The following CCDC30 variants were observed in gnomAD, a reference collection of about 807,000 sequenced individuals.
The protein encoded by CCDC30 is coiled-coil domain containing 30.
CCDC30 carries 70 observed loss-of-function variants against 100.2 expected under a neutral mutation model. The ratio of observed to expected loss-of-function variants is 0.70; its 90% CI spans 0.58 to 0.85. The LOEUF (loss-of-function observed/expected upper bound fraction) is 0.85, where lower values mean the gene tolerates loss of function less well. CCDC30 is among the 40% of genes least tolerant of loss of function. The pLI, the probability that CCDC30 is intolerant of heterozygous loss-of-function variation, is 0.00. For missense variants in CCDC30, 652 were observed against 771.2 expected, an observed-to-expected ratio of 0.85 and a Z score of 1.83; for synonymous variants, 233 against 269.5, an observed-to-expected ratio of 0.86 and a Z score of 1.33.
intron 7 of CCDC30, among the ~76,000 whole-genome samples, chr1:42,572,520 T>G (rs760721258): frequency 5.3e-5 from 8 of 152,216 alleles, no homozygotes; most frequent in Non-Finnish European, 1.0e-4. Flanking sequence ...TTCATTATTT[T>G]TCATTATAAC....
intron 3 of CCDC30, among the ~76,000 whole-genome samples, chr1:42,486,602 C>G (rs1389336547): frequency 6.6e-6 from 1 of 152,194 alleles, no homozygotes. Flanking sequence ...GAGACATATC[C>G]TTTGTGACTC....
At chr1:42,633,220 T>A (rs139500199) in intron 11 of CCDC30, among the ~76,000 whole-genome samples, 1 of 152,284 alleles carries the variant, frequency 6.6e-6, no homozygotes, top group East Asian at 1.9e-4. Flanking sequence ...CAAATTCAGT[T>A]ATAAAAAGTC....
chr1:42,622,239 T>C (rs1004958068), intron 11 of CCDC30, among the ~76,000 whole-genome samples: 1 of 152,200 alleles, frequency 6.6e-6, no homozygotes, highest in Non-Finnish European at 1.5e-5. Context: ...GACCTCCAGT[T>C]CCATCCATGT....
chr1:42,571,498 A>G (rs1278856638), intron 7 of CCDC30: 1 of 152,198 alleles, frequency 6.6e-6, no homozygotes, highest in Non-Finnish European at 1.5e-5. Flanking sequence ...ATGAAAAAAA[A>G]AAATGAACCA....
chr1:42,581,390 G>A, exon 9 of CCDC30: 1 of 1,608,606 alleles, frequency 6.2e-7, no homozygotes, highest in Non-Finnish European at 8.5e-7. Flanking sequence ...ATTAGAACAT[G>A]CTCATAAAGT....
At chr1:42,640,975 G>T (rs1647338673) in intron 12 of CCDC30, among the ~76,000 whole-genome samples, 1 of 152,012 alleles carries the variant, frequency 6.6e-6, no homozygotes, top group Non-Finnish European at 1.5e-5. Flanking sequence ...AAACATGTAG[G>T]TTGGGCACAG....
intron 1 of CCDC30, among the ~76,000 whole-genome samples, chr1:42,479,342 T>C (rs6660634): frequency 0.39 from 58,570 of 151,718 alleles, 11,769 homozygotes; most frequent in East Asian, 0.59. Context: ...CACCATTGCA[T>C]TCCAGCCTGG....
chr1:42,464,181 T>A (rs747765562), intron 1 of CCDC30: 12 of 152,176 alleles, frequency 7.9e-5, no homozygotes, highest in Admixed American at 2.0e-4. Flanking sequence ...AACCTTTCAG[T>A]CTTGGGTAAA....
chr1:42,554,494 T>C (rs1254359037), intron 6 of CCDC30, among the ~76,000 whole-genome samples: 1 of 152,068 alleles, frequency 6.6e-6, no homozygotes, highest in Non-Finnish European at 1.5e-5. Flanking sequence ...ACCAGGCTGG[T>C]CTCGAACTCC....
At chr1:42,642,030 C>A (rs1647461177) in intron 12 of CCDC30, among the ~76,000 whole-genome samples, 1 of 152,018 alleles carries the variant, frequency 6.6e-6, no homozygotes, top group South Asian at 2.1e-4. Context: ...TCGAGACCAT[C>A]CTGGCTAACA....
chr1:42,564,459 C>T (rs1005158664), intron 6 of CCDC30, among the ~76,000 whole-genome samples: 36 of 151,964 alleles, frequency 2.4e-4, no homozygotes, highest in African/African-American at 6.5e-4. Context: ...ACTACAGGTG[C>T]GCACCATCAC....
At chr1:42,573,467 A>G (rs1486222292) in intron 7 of CCDC30, among the ~76,000 whole-genome samples, 3 of 152,090 alleles carry the variant, frequency 2.0e-5, no homozygotes, top group African/African-American at 4.8e-5. Context: ...AAACTTTCCC[A>G]TACTTTTTTA....
intron 15 of CCDC30, among the ~76,000 whole-genome samples, chr1:42,650,370 C>T (rs1648231998): frequency 6.6e-6 from 1 of 151,858 alleles, no homozygotes; most frequent in African/African-American, 2.4e-5. Context: ...ATAGTAATCT[C>T]AGCTACTTGG....
chr1:42,457,268 T>G, the CCDC30 span: 1 of 1,614,124 alleles, frequency 6.2e-7, no homozygotes, highest in Non-Finnish European at 8.5e-7. Flanking sequence ...ATGTTTTACC[T>G]GGCTGCGGCT....
At chr1:42,605,502 A>G (rs2148631670) in intron 10 of CCDC30, among the ~76,000 whole-genome samples, 1 of 152,226 alleles carries the variant, frequency 6.6e-6, no homozygotes, top group Admixed American at 6.5e-5. Flanking sequence ...TTTTTCAGAC[A>G]GGGTCTCACT....
chr1:42,472,830 A>G (rs143179516), intron 1 of CCDC30, among the ~76,000 whole-genome samples: 7 of 152,316 alleles, frequency 4.6e-5, no homozygotes, highest in African/African-American at 1.7e-4. Flanking sequence ...CTCTAGTCAT[A>G]TATACATAGA....
the CCDC30 span, chr1:42,456,791 G>A: frequency 6.2e-7 from 1 of 1,613,092 alleles, no homozygotes; most frequent in South Asian, 1.1e-5. Context: ...CTTCCTAGCC[G>A]CCGGCTACGG....
At chr1:42,630,186 G>C (rs1375806958) in intron 11 of CCDC30, among the ~76,000 whole-genome samples, 1 of 151,738 alleles carries the variant, frequency 6.6e-6, no homozygotes, top group Admixed American at 6.6e-5. Flanking sequence ...TGTTGGCCAG[G>C]CTGGTTGTGA....
chr1:42,621,605 G>A (rs1390016569), intron 11 of CCDC30, among the ~76,000 whole-genome samples: 2 of 151,992 alleles, frequency 1.3e-5, no homozygotes, highest in Admixed American at 1.3e-4. Flanking sequence ...TCCGCCTCCC[G>A]GGTTCACGCC....
Sources: gnomAD v4.1 joint callset for allele counts (sites outside exome capture counted in the v4.1 genomes callset) on GRCh38, gnomAD v4.1.1 for gene constraint, MANE v1.5 for transcripts, NCBI Gene and HGNC (gene_info 2026-07-23, HGNC 2026-07-21) for gene names.